CLPSL1: variants seen among roughly 807,000 people sequenced by gnomAD.
CLPSL1 encodes the protein colipase-like protein 1.
In CLPSL1, 13 loss-of-function variants were observed where a neutral mutation model predicts 9.3. The ratio of observed to expected loss-of-function variants is 1.40; its 90% confidence interval spans 0.91 to 2.22. The LOEUF (loss-of-function observed/expected upper bound fraction) is 2.22. Among genes scored for constraint, CLPSL1 ranks in the 30% most tolerant of loss-of-function variants. The probability of loss-of-function intolerance (pLI) is 0.00; values close to 1 mark genes in which losing one functional copy is unlikely to be tolerated. For synonymous variants in CLPSL1, 58 were observed against 56.9 expected (o/e 1.02, Z -0.08); for missense variants, 164 against 146.6 (o/e 1.12, Z -0.61).
At chr6:35,782,968 A>C (rs1228051049) in intron 1 of CLPSL1, among the ~76,000 whole-genome samples, 1 of 152,168 alleles carries the variant, frequency 6.6e-6, no homozygotes, top group East Asian at 1.9e-4. Context: ...TATGTATATA[A>C]CATATGTGGT....
At chr6:35,785,014 C>T (rs565178700) in intron 1 of CLPSL1, among the ~76,000 whole-genome samples, 12 of 152,152 alleles carry the variant, frequency 7.9e-5, no homozygotes, top group Admixed American at 3.9e-4. Context: ...CCTCCAGTGT[C>T]GTGTGCCTCT....
At chr6:35,786,158 G>A (rs1350864463) in intron 1 of CLPSL1, among the ~76,000 whole-genome samples, 4 of 151,984 alleles carry the variant, frequency 2.6e-5, no homozygotes, top group African/African-American at 7.2e-5. Context: ...GCAGCTACTC[G>A]GGAGAATTGC....
At chr6:35,781,403 G>A (rs1767964725) in intron 1 of CLPSL1, among the ~76,000 whole-genome samples, 194 bp downstream of exon 1, 2 of 152,188 alleles carry the variant, frequency 1.3e-5, no homozygotes, top group African/African-American at 4.8e-5. Context: ...GGCAGTGCCA[G>A]GTGCTGCTGC....
chr6:35,790,075 C>T (rs566050757), downstream of CLPSL1, among the ~76,000 whole-genome samples: 32 of 152,262 alleles, frequency 2.1e-4, no homozygotes, highest in African/African-American at 3.4e-4. Context: ...CACAGGTGTG[C>T]GCTACCACAC....
At chr6:35,786,859 C>T (rs1276165216) in intron 1 of CLPSL1, 139 bp from the exon 2 acceptor site, 5 of 1,129,950 alleles carry the variant, frequency 4.4e-6, no homozygotes, top group Non-Finnish European at 6.3e-6. Flanking sequence ...CACGTAGAGA[C>T]CACCCTGCCT....
At chr6:35,787,809 T>C in intron 2 of CLPSL1, 58 bp from the exon 3 acceptor site, 1 of 1,553,708 alleles carries the variant, frequency 6.4e-7, no homozygotes, top group Non-Finnish European at 8.8e-7. Context: ...TGGGCTGGGC[T>C]TAGGGGCTCA....
intron 1 of CLPSL1, among the ~76,000 whole-genome samples, chr6:35,782,231 G>T (rs1202691877): frequency 6.6e-6 from 1 of 152,170 alleles, no homozygotes; most frequent in Non-Finnish European, 1.5e-5. Flanking sequence ...AAATGTGCTG[G>T]CATATTCAAG....
chr6:35,789,445 G>A (rs879678264), downstream of CLPSL1, among the ~76,000 whole-genome samples: 32 of 152,226 alleles, frequency 2.1e-4, no homozygotes, highest in Non-Finnish European at 3.5e-4. Context: ...ACTCAAAATG[G>A]ATTAAAGACC....
downstream of CLPSL1, among the ~76,000 whole-genome samples, chr6:35,792,826 A>T (rs1768246303): frequency 6.6e-6 from 1 of 152,276 alleles, no homozygotes; most frequent in Non-Finnish European, 1.5e-5. Context: ...TGGCACCAAG[A>T]AGCGTGACTC....
intron 2 of CLPSL1, 127 bp downstream of exon 2, chr6:35,787,247 G>A (rs149236311): frequency 1.7e-6 from 2 of 1,167,524 alleles, no homozygotes; most frequent in Non-Finnish European, 2.4e-6. Context: ...GAATTCCCCC[G>A]TGGGACTGCA....
intron 1 of CLPSL1, 32 bp from the exon 2 acceptor site, chr6:35,786,966 G>A (rs1249339100): frequency 1.3e-5 from 21 of 1,556,136 alleles, no homozygotes; most frequent in Non-Finnish European, 1.8e-5. Flanking sequence ...GGCGGGCGGT[G>A]GAGCCTGGCG....
chr6:35,791,470 G>C (rs1032973235), downstream of CLPSL1, among the ~76,000 whole-genome samples: 6 of 152,012 alleles, frequency 3.9e-5, no homozygotes, highest in Admixed American at 3.9e-4. Context: ...TTAGCTGGGC[G>C]TGGAGGGCAC....
At chr6:35,789,730 C>T (rs576800771), downstream of CLPSL1, among the ~76,000 whole-genome samples, 25 of 152,302 alleles carry the variant, frequency 1.6e-4, no homozygotes, top group African/African-American at 6.0e-4. Context: ...CCCATCTGTA[C>T]TAAAAATACA....
At chr6:35,787,142 G>T (rs1405831310) in intron 2 of CLPSL1, 22 bp downstream of exon 2, 3 of 1,609,784 alleles carry the variant, frequency 1.9e-6, no homozygotes, top group African/African-American at 1.3e-5. Flanking sequence ...CGCCCGGGGG[G>T]AGCCAGAGGG....
Position 35,787,136 on chromosome 6 carries a change from C to CGGGGGGAGCCA in CLPSL1, c.222+18_222+28dup. On this transcript the variant is annotated intron_variant, in intron 2 of 2. Coordinates refer to ENST00000373861, the MANE Select transcript of CLPSL1 (RefSeq NM_001010886.5). ...TCAAACGCAGGTGGGTATCGCCGCC[C>CGGGGGGAGCCA]GGGGGGAGCCAGAGGGGATCCAGGG... 6.2e-7 allele frequency: 1 copy of CGGGGGGAGCCA among 1,610,526 alleles called. No homozygotes were observed. Among genetic ancestry groups the CGGGGGGAGCCA allele is most frequent in the East Asian group, 2.2e-5 (1 of 44,736 alleles).
chr6:35,781,943 G>A (rs924639560), intron 1 of CLPSL1, among the ~76,000 whole-genome samples: 1 of 151,896 alleles, frequency 6.6e-6, no homozygotes, highest in African/African-American at 2.4e-5. Context: ...GTAGAGACAG[G>A]GTTTCACCGT....
chr6:35,786,966 G>T, intron 1 of CLPSL1, 32 bp from the exon 2 acceptor site: 1 of 1,556,136 alleles, frequency 6.4e-7, no homozygotes, highest in Non-Finnish European at 8.7e-7. Context: ...GGCGGGCGGT[G>T]GAGCCTGGCG....
chr6:35,787,840 T>C (rs567022968), intron 2 of CLPSL1, 27 bp from the exon 3 acceptor site: 1 of 1,601,032 alleles, frequency 6.2e-7, no homozygotes, highest in African/African-American at 1.3e-5. Flanking sequence ...GCCGCCAAGG[T>C]CGAGGTCAAA....
intron 1 of CLPSL1, among the ~76,000 whole-genome samples, chr6:35,786,443 C>A (rs1451865195): frequency 2.2e-4 from 34 of 152,160 alleles, no homozygotes; most frequent in Admixed American, 2.2e-3. Context: ...TTTTGTTGTT[C>A]CCAGCTGTAT....
Sources: gnomAD v4.1 joint callset for allele counts (sites outside exome capture counted in the v4.1 genomes callset) on GRCh38, gnomAD v4.1.1 for gene constraint, MANE v1.5 for transcripts, NCBI Gene and HGNC (gene_info 2026-07-23, HGNC 2026-07-21) for gene names.